Variants in CDH4 observed in about 807,000 individuals in gnomAD.
The protein encoded by CDH4 is cadherin 4, also known as cadherin-4.
In CDH4, 33 loss-of-function variants were observed where a neutral mutation model predicts 86.0. The observed-to-expected ratio is 0.38, with a 90% CI of 0.29 to 0.51. The LOEUF is 0.51. Ranked by LOEUF, CDH4 falls within the 20% of genes least tolerant of loss-of-function variation. The probability of loss-of-function intolerance (pLI) is 0.86; values close to 1 mark genes in which losing one functional copy is unlikely to be tolerated. For synonymous variants in CDH4, 555 were observed against 549.4 expected (o/e 1.01, Z -0.14); for missense variants, 1,114 against 1,307.4 (o/e 0.85, Z 2.28).
chr20:61,915,932 T>TC (rs1306606397), intron 9 of CDH4, among the ~76,000 whole-genome samples: 2 of 152,164 alleles, frequency 1.3e-5, no homozygotes, highest in Admixed American at 1.3e-4. Context: ...AGCCACACTG[T>TC]CCCCAAAGAG....
intron 2 of CDH4, among the ~76,000 whole-genome samples, chr20:61,523,334 T>A (rs1229502523): frequency 6.6e-6 from 1 of 152,268 alleles, no homozygotes. Context: ...CTCGCCGGTC[T>A]CTGCTCTCTT....
chr20:61,646,803 AC>A (rs1402340611), intron 2 of CDH4, among the ~76,000 whole-genome samples: 1 of 152,234 alleles, frequency 6.6e-6, no homozygotes, highest in East Asian at 1.9e-4. Context: ...GAATTAAATA[AC>A]CACAGGAAAG....
intron 2 of CDH4, among the ~76,000 whole-genome samples, chr20:61,578,150 C>T (rs1464684045): frequency 1.3e-5 from 2 of 152,192 alleles, no homozygotes; most frequent in Non-Finnish European, 2.9e-5. Context: ...TGGGAAGGGC[C>T]AGAGCAATTC....
chr20:61,690,002 G>A (rs2145870728), intron 2 of CDH4, among the ~76,000 whole-genome samples: 1 of 151,554 alleles, frequency 6.6e-6, no homozygotes, highest in East Asian at 1.9e-4. Flanking sequence ...GGCTGGTGAG[G>A]TGATGTGGAT....
At chr20:61,739,231 G>A (rs1415314306) in intron 2 of CDH4, 1 of 152,346 alleles carries the variant, frequency 6.6e-6, no homozygotes, top group Non-Finnish European at 1.5e-5. Flanking sequence ...CATGGGGAGG[G>A]AGTTGCGGGG....
chr20:61,492,655 G>A lies in CDH4; in HGVS notation c.169+237718G>A, dbSNP rs571247990. On this transcript the variant is annotated intron_variant, in intron 2 of 15. Transcript: ENST00000614565. ...CGTGATTTGGACTGGCAATGCCGTG[G>A]TGAAAATATCAGATGAGATGTCTGC... Among the ~76,000 whole-genome samples, 38 of 152,312 alleles carry A rather than the reference G, an allele frequency of 2.5e-4. No individual in the cohort carries two copies. The South Asian group carries it at 7.3e-3, about 29-fold the overall frequency.
At chr20:61,284,165 AC>A (rs199693158) in intron 2 of CDH4, among the ~76,000 whole-genome samples, 1 of 112,342 alleles carries the variant, frequency 8.9e-6, no homozygotes, top group Non-Finnish European at 2.0e-5. Context: ...AAAAAAAAAA[AC>A]TGGCCTGGCA....
chr20:61,653,561 G>T (rs1222453621), intron 2 of CDH4, among the ~76,000 whole-genome samples: 1 of 140,818 alleles, frequency 7.1e-6, no homozygotes, highest in Non-Finnish European at 1.6e-5. Flanking sequence ...TGGCCAGGCG[G>T]GGGCTGACCC....
chr20:61,424,371 AACATGTATCCACAC>A (rs2085199462), intron 2 of CDH4, among the ~76,000 whole-genome samples: 1 of 136,318 alleles, frequency 7.3e-6, no homozygotes, highest in Non-Finnish European at 1.6e-5. Flanking sequence ...CATATCCACA[AACATGTATCCACAC>A]ACATATCCAC....
intron 2 of CDH4, among the ~76,000 whole-genome samples, chr20:61,532,771 G>T (rs1433900142): frequency 6.6e-6 from 1 of 152,144 alleles, no homozygotes; most frequent in East Asian, 1.9e-4. Context: ...GTTTTGGCGG[G>T]ATCAGTAGGT....
intron 2 of CDH4, among the ~76,000 whole-genome samples, chr20:61,401,584 C>T (rs894700526): frequency 1.3e-5 from 2 of 152,186 alleles, no homozygotes; most frequent in African/African-American, 4.8e-5. Context: ...TGGCTGGATC[C>T]AGGTTTTCAA....
intron 2 of CDH4, among the ~76,000 whole-genome samples, chr20:61,656,012 A>G (rs2087183567): frequency 6.6e-6 from 1 of 152,128 alleles, no homozygotes; most frequent in Non-Finnish European, 1.5e-5. Flanking sequence ...AGGGACCCAG[A>G]CCACATGAAG....
chr20:61,647,525 T>TCTCTCTCTCTCTC lies in CDH4; in HGVS notation c.170-96038_170-96037insCTCTCTCTCTCTC, dbSNP rs1444445171. Among the ~76,000 whole-genome samples the TCTCTCTCTCTCTC allele has an allele frequency of 4.3e-4, 30 of 69,844 alleles. 2 individuals are homozygous for TCTCTCTCTCTCTC. The highest frequency in any genetic ancestry group is 1.2e-3 in the African/African-American group (23 of 19,038). 45.8% of individuals were successfully genotyped at this position (69,844 alleles called of 152,430 possible). Reference sequence around the variant, plus strand: ...AAACACATCAGTATGCACACACATATTCTCTCTCCCTCTCCCTCTCCCTCT... The same window carrying TCTCTCTCTCTCTC: ...AAACACATCAGTATGCACACACATATCTCTCTCTCTCTCTCTCTCTCCCTCTCCCTCTCCCTCT... On this transcript the variant is annotated intron_variant, in intron 2 of 15. Transcript: ENST00000614565.
At chr20:61,422,439 A>C (rs2085183847) in intron 2 of CDH4, among the ~76,000 whole-genome samples, 1 of 50,136 alleles carries the variant, frequency 2.0e-5, no homozygotes, top group Non-Finnish European at 3.4e-5. Context: ...AAAAAAAAAA[A>C]AAAAAAAAAA....
chr20:61,528,447 G>A (rs2085927617), intron 2 of CDH4, among the ~76,000 whole-genome samples: 1 of 107,532 alleles, frequency 9.3e-6, no homozygotes, highest in Non-Finnish European at 2.0e-5. Context: ...GGAGGGGAGG[G>A]GGGTGGAGGG....
intron 2 of CDH4, among the ~76,000 whole-genome samples, chr20:61,445,791 A>T (rs1010143450): frequency 6.6e-6 from 1 of 152,238 alleles, no homozygotes; most frequent in African/African-American, 2.4e-5. Context: ...CCAGGATGTG[A>T]CGTGCTGGCT....
intron 2 of CDH4, among the ~76,000 whole-genome samples, chr20:61,741,682 G>A (rs941326214): frequency 5.9e-5 from 9 of 151,988 alleles, no homozygotes; most frequent in Admixed American, 2.6e-4. Context: ...TAGTAGAGAC[G>A]GGGTTTCACC....
intron 2 of CDH4, among the ~76,000 whole-genome samples, chr20:61,341,239 A>G (rs771346113): frequency 2.0e-5 from 3 of 152,234 alleles, no homozygotes; most frequent in Non-Finnish European, 2.9e-5. Context: ...GGTTGAAGGC[A>G]TCACTCTTGG....
chr20:61,389,955 T>C (rs77325973), intron 2 of CDH4, among the ~76,000 whole-genome samples: 27 of 110,526 alleles, frequency 2.4e-4, no homozygotes, highest in South Asian at 6.2e-4. Flanking sequence ...TCATAGGGTG[T>C]CCATAGTGCC....
Sources: gnomAD v4.1 joint callset for allele counts (sites outside exome capture counted in the v4.1 genomes callset) on GRCh38, gnomAD v4.1.1 for gene constraint, MANE v1.5 for transcripts, NCBI Gene and HGNC (gene_info 2026-07-23, HGNC 2026-07-21) for gene names.